The following FSHR variants were observed in gnomAD, a reference collection of about 807,000 sequenced individuals.
FSHR encodes follicle stimulating hormone receptor, also known as follicle-stimulating hormone receptor.
A neutral mutation model predicts 52.1 loss-of-function variants in FSHR; 46 were observed. That is an observed-to-expected ratio of 0.88 (90% CI 0.70 to 1.13). The LOEUF is 1.13. Ranked by LOEUF, FSHR falls within the 50% of genes most tolerant of loss-of-function variation. The pLI is 0.00. For synonymous variants in FSHR, 399 were observed against 309.6 expected, an observed-to-expected ratio of 1.29 and a Z score of -3.03; for missense variants, 964 against 834.6, an observed-to-expected ratio of 1.16 and a Z score of -1.91.
intron 4 of FSHR, among the ~76,000 whole-genome samples, chr2:49,008,846 T>A (rs1667164450): frequency 6.7e-6 from 1 of 150,156 alleles, no homozygotes. Flanking sequence ...TGTCTGTTCA[T>A]GTCCTTCGCC....
chr2:49,143,326 G>A (rs1043768888), intron 1 of FSHR, among the ~76,000 whole-genome samples: 3 of 152,204 alleles, frequency 2.0e-5, no homozygotes, highest in African/African-American at 4.8e-5. Flanking sequence ...CCTGAGAGGT[G>A]TGTAATGTGA....
At chr2:49,116,996 G>A (rs1671623348) in intron 1 of FSHR, among the ~76,000 whole-genome samples, 1 of 152,160 alleles carries the variant, frequency 6.6e-6, no homozygotes, top group African/African-American at 2.4e-5. Context: ...CTTGGGAGAG[G>A]GAAGCATTCT....
Position 48,981,806 on chromosome 2 carries a change from T to G in FSHR, c.668+1106A>C, listed in dbSNP as rs372439477. Reference sequence around the variant, plus strand: ...TTGGTGTAGACAAAAGTGATGCAGATAGATGGTTGGTCGGTAGGTGGGTAG... The same window carrying G: ...TTGGTGTAGACAAAAGTGATGCAGAGAGATGGTTGGTCGGTAGGTGGGTAG... On this transcript the variant is annotated intron_variant, in intron 8 of 9. Transcript: ENST00000406846. Among the ~76,000 whole-genome samples the G allele has an allele frequency of 1.9e-4, 29 of 152,276 alleles. 1 individual carries two copies. In the South Asian group the frequency reaches 5.6e-3, roughly 29 times the overall value.
rs70946839 is a variant in FSHR at position 48,985,697 on chromosome 2, GTTTTTTTT to G, written c.525-2539_525-2532del. Among the ~76,000 whole-genome samples the G allele has an allele frequency of 9.0e-5, 9 of 99,578 alleles. 1 individual carries two copies. Among genetic ancestry groups the G allele is most frequent in the African/African-American group, 3.8e-4 (9 of 23,912 alleles). 65.3% of individuals were successfully genotyped at this position (99,578 alleles called of 152,430 possible). A position where few individuals can be genotyped will look rare whatever the true frequency, so the allele number is the denominator to read the frequency against. Reference sequence around the variant, plus strand: ...TTCAGTTTCAGGGGAGCAAGTACAGGTTTTTTTTTTTTTTTTTTTTTTTTTTTGAGACG... The same window carrying G: ...TTCAGTTTCAGGGGAGCAAGTACAGGTTTTTTTTTTTTTTTTTTTGAGACG... On this transcript the variant is annotated intron_variant, in intron 6 of 9. Coordinates refer to ENST00000406846, the MANE Select transcript of FSHR (RefSeq NM_000145.4).
At chr2:49,055,343 A>T (rs191859389) in intron 2 of FSHR, among the ~76,000 whole-genome samples, 1 of 151,482 alleles carries the variant, frequency 6.6e-6, no homozygotes, top group African/African-American at 2.4e-5. Context: ...CACAATAAAT[A>T]AATAATAAAA....
intron 1 of FSHR, among the ~76,000 whole-genome samples, chr2:49,110,402 G>A (rs1051944289): frequency 1.3e-5 from 2 of 152,062 alleles, no homozygotes; most frequent in African/African-American, 4.8e-5. Context: ...CTAAAGTTCA[G>A]TAAGACTTTA....
chr2:49,115,973 G>T (rs17038288), intron 1 of FSHR, among the ~76,000 whole-genome samples: 32,972 of 152,022 alleles, frequency 0.22, 4,315 homozygotes, highest in East Asian at 0.47. Flanking sequence ...TGGCTCTATG[G>T]GGAATCCTAA....
chr2:49,047,802 G>T (rs1195239524), intron 2 of FSHR, among the ~76,000 whole-genome samples: 1 of 152,182 alleles, frequency 6.6e-6, no homozygotes, highest in African/African-American at 2.4e-5. Flanking sequence ...AACATGAGGT[G>T]ATGGGCATTT....
At chr2:49,056,506 G>A (rs1450960013) in intron 2 of FSHR, among the ~76,000 whole-genome samples, 1 of 143,240 alleles carries the variant, frequency 7.0e-6, no homozygotes, top group African/African-American at 2.6e-5. Context: ...AGAGCACACA[G>A]ATATAAAAAG....
chr2:49,094,082 T>C (rs997896288), intron 1 of FSHR, among the ~76,000 whole-genome samples: 7 of 152,314 alleles, frequency 4.6e-5, no homozygotes, highest in African/African-American at 1.7e-4. Context: ...TCCTCCTTTC[T>C]TCCTTCTTTT....
chr2:48,977,659 C>A (rs1675052210), intron 8 of FSHR, among the ~76,000 whole-genome samples: 2 of 152,172 alleles, frequency 1.3e-5, no homozygotes, highest in African/African-American at 2.4e-5. Context: ...GCTCATTGTA[C>A]TGGGGAGTAA....
chr2:48,985,869 G>A (rs1417364049), intron 6 of FSHR, among the ~76,000 whole-genome samples: 1 of 147,152 alleles, frequency 6.8e-6, no homozygotes, highest in Admixed American at 6.8e-5. Flanking sequence ...GCCCGCCACT[G>A]CGCCCGGCTA....
chr2:49,117,044 C>T (rs1312552717), intron 1 of FSHR, among the ~76,000 whole-genome samples: 2 of 152,182 alleles, frequency 1.3e-5, no homozygotes, highest in Non-Finnish European at 2.9e-5. Context: ...AACATGGCCC[C>T]AGCACTTTGT....
chr2:49,114,726 T>C (rs1210880679), intron 1 of FSHR, among the ~76,000 whole-genome samples: 2 of 152,032 alleles, frequency 1.3e-5, no homozygotes, highest in East Asian at 3.9e-4. Context: ...TGCCAGAAGT[T>C]GGGATGGTTT....
chr2:49,075,386 A>G (rs1004699293), intron 1 of FSHR, among the ~76,000 whole-genome samples: 3 of 152,102 alleles, frequency 2.0e-5, no homozygotes, highest in African/African-American at 7.2e-5. Context: ...GGAAACCTAA[A>G]AGAGTGGAAA....
intron 1 of FSHR, among the ~76,000 whole-genome samples, chr2:49,099,650 A>T (rs1670952023): frequency 6.6e-6 from 1 of 152,150 alleles, no homozygotes; most frequent in South Asian, 2.1e-4. Context: ...ACATACAGGG[A>T]AAAGAATGCC....
intron 1 of FSHR, among the ~76,000 whole-genome samples, chr2:49,069,450 T>A (rs1054783535): frequency 2.6e-5 from 4 of 152,128 alleles, no homozygotes; most frequent in Admixed American, 1.3e-4. Context: ...AGACCCTCTT[T>A]CCTGCTGCTT....
chr2:48,999,528 T>C (rs1189105701), intron 4 of FSHR, among the ~76,000 whole-genome samples: 1 of 152,104 alleles, frequency 6.6e-6, no homozygotes, highest in Non-Finnish European at 1.5e-5. Flanking sequence ...TCTGCAACCA[T>C]AGAATTACTA....
At chr2:49,146,842 C>T (rs982415109) in intron 1 of FSHR, among the ~76,000 whole-genome samples, 4 of 151,974 alleles carry the variant, frequency 2.6e-5, no homozygotes, top group African/African-American at 4.8e-5. Flanking sequence ...TTTGAGGTCC[C>T]TATTTCTTAG....
Sources: allele counts gnomAD v4.1 joint callset (sites outside exome capture counted in the v4.1 genomes callset), GRCh38; gene constraint gnomAD v4.1.1; transcripts MANE v1.5; gene names NCBI Gene and HGNC (gene_info 2026-07-23, HGNC 2026-07-21).